The following ATP6V0D2 variants were observed in gnomAD, a reference collection of about 807,000 sequenced individuals.
ATP6V0D2 encodes the protein V-type proton ATPase subunit d 2.
A neutral mutation model predicts 40.0 loss-of-function variants in ATP6V0D2; 40 were observed. The ratio of observed to expected loss-of-function variants is 1.00; its 90% CI spans 0.78 to 1.30. The LOEUF (loss-of-function observed/expected upper bound fraction) is 1.30. Among genes scored for constraint, ATP6V0D2 ranks in the 50% most tolerant of loss-of-function variants. ATP6V0D2 has a pLI of 0.00. For synonymous variants in ATP6V0D2, 179 were observed against 156.3 expected (o/e 1.15, Z -1.08); for missense variants, 470 against 423.1 (o/e 1.11, Z -0.97).
chr8:86,119,305 T>C (rs557989331), intron 2 of ATP6V0D2, among the ~76,000 whole-genome samples: 2 of 149,794 alleles, frequency 1.3e-5, no homozygotes, highest in Non-Finnish European at 3.0e-5. Context: ...CTCGGCTTAC[T>C]GCAAGCTCCA....
At chr8:86,101,776 C>A (rs761356465) in intron 1 of ATP6V0D2, among the ~76,000 whole-genome samples, 1 of 152,100 alleles carries the variant, frequency 6.6e-6, no homozygotes, top group Non-Finnish European at 1.5e-5. Context: ...TTCCATACAG[C>A]GTCAGGGGAT....
intron 1 of ATP6V0D2, among the ~76,000 whole-genome samples, chr8:86,108,685 C>T (rs944110934): frequency 1.3e-5 from 2 of 152,100 alleles, no homozygotes; most frequent in African/African-American, 4.8e-5. Flanking sequence ...CCTCCTGCCT[C>T]GGCCTCCAGA....
Position 86,141,487 on chromosome 8 carries a change from A to C in ATP6V0D2, c.519A>C (p.Leu173=). ...AAGACTGCATGTCTGAAAATGCTCTAGATGAACTGAATATTGAATTGCTAC... is the reference window on the plus strand; with the variant it reads ...AAGACTGCATGTCTGAAAATGCTCTCGATGAACTGAATATTGAATTGCTAC... ...FFQDCMSENA[L]DELNIELLRN... The change falls in exon 4 of 8, where the codon CTA becomes CTC. Residue 173 remains leucine (L), a synonymous_variant. Transcript: ENST00000285393. The C allele has an allele frequency of 4.3e-6, 7 of 1,610,504 alleles. No individual in the cohort carries two copies. The highest frequency in any genetic ancestry group is 5.1e-6 in the Non-Finnish European group (6 of 1,177,932).
Position 86,139,538 on chromosome 8 carries a change from G to A in ATP6V0D2, c.384G>A (p.Lys128=), listed in dbSNP as rs138549500. ...AATCTGTGAAAGAAATTCTGGGGAA[G>A]TGCCACCCCTTGGGCCGTTTCACAG... ...QKKSVKEILG[K]CHPLGRFTEM... Residue 128 remains lysine (K), a synonymous_variant, in exon 3 of 8, where the codon AAG becomes AAA. Transcript: ENST00000285393. 6.8e-6 allele frequency: 11 copies of A among 1,613,758 alleles called. No homozygotes were observed. Among genetic ancestry groups the A allele is most frequent in the African/African-American group, 1.3e-5 (1 of 74,906 alleles).
chr8:86,147,631 G>T (rs1384118169), intron 5 of ATP6V0D2, among the ~76,000 whole-genome samples: 1 of 152,124 alleles, frequency 6.6e-6, no homozygotes, highest in Admixed American at 6.5e-5. Context: ...ACCCAAAAGA[G>T]CCTCTAGACT....
Position 86,128,184 on chromosome 8 carries a change from C to G in ATP6V0D2, c.303-11273C>G, listed in dbSNP as rs113276655. Reference sequence around the variant, plus strand: ...CAACATGGTGAAACCCTCATCTCTACGAAAAATACAAAAAATTAGCCGGGC... The same window carrying G: ...CAACATGGTGAAACCCTCATCTCTAGGAAAAATACAAAAAATTAGCCGGGC... On this transcript the variant is annotated intron_variant, in intron 2 of 7. Coordinates refer to ENST00000285393, the MANE Select transcript of ATP6V0D2 (RefSeq NM_152565.1). Among the ~76,000 whole-genome samples the G allele has an allele frequency of 2.0e-5, 3 of 151,966 alleles. No individual in the cohort carries two copies. The East Asian group carries it at 5.8e-4, about 29-fold the overall frequency.
chr8:86,109,819 G>A (rs1054976209), intron 1 of ATP6V0D2, among the ~76,000 whole-genome samples: 3 of 152,102 alleles, frequency 2.0e-5, no homozygotes, highest in African/African-American at 4.8e-5. Context: ...CAGCATTTAC[G>A]ATGCAAAATC....
chr8:86,120,626 T>C (rs1275917827), intron 2 of ATP6V0D2, among the ~76,000 whole-genome samples: 1 of 152,216 alleles, frequency 6.6e-6, no homozygotes, highest in Admixed American at 6.5e-5. Flanking sequence ...TCCAACACTC[T>C]TGTATTTAAG....
intron 2 of ATP6V0D2, among the ~76,000 whole-genome samples, chr8:86,126,088 C>T (rs923494909): frequency 6.7e-6 from 1 of 149,680 alleles, no homozygotes; most frequent in African/African-American, 2.4e-5. Context: ...CAGGCATGCA[C>T]CATCATGACC....
At chr8:86,138,116 T>A (rs1818922106) in intron 2 of ATP6V0D2, among the ~76,000 whole-genome samples, 1 of 152,166 alleles carries the variant, frequency 6.6e-6, no homozygotes. Flanking sequence ...GCTCCAGTGC[T>A]CGGCCCAGGC....
At chr8:86,102,990 C>A (rs567881583) in intron 1 of ATP6V0D2, among the ~76,000 whole-genome samples, 8 of 152,246 alleles carry the variant, frequency 5.3e-5, no homozygotes, top group Admixed American at 2.0e-4. Context: ...TGGAAATATT[C>A]TTCCCTCCTC....
At chr8:86,104,909 A>G (rs1055485469) in intron 1 of ATP6V0D2, among the ~76,000 whole-genome samples, 2 of 150,180 alleles carry the variant, frequency 1.3e-5, no homozygotes, top group African/African-American at 4.9e-5. Context: ...AAGATAAATG[A>G]TAAATGACAG....
intron 4 of ATP6V0D2, among the ~76,000 whole-genome samples, chr8:86,141,873 C>A (rs1210365853): frequency 1.3e-5 from 2 of 152,144 alleles, no homozygotes; most frequent in Admixed American, 6.5e-5. Context: ...ACATAGCAAA[C>A]CTTCTGCTAT....
chr8:86,098,933 G>A lies in ATP6V0D2; in HGVS notation c.-46G>A. ...GTGCAAATCTTCAGGGGCCGTCCAG[G>A]ACTACAGAGCTGTTTCACCCTACCT... On this transcript the variant is annotated 5_prime_UTR_variant, in exon 1 of 8. Coordinates refer to ENST00000285393, the MANE Select transcript of ATP6V0D2 (RefSeq NM_152565.1). 2 of 1,598,330 alleles carry A rather than the reference G, an allele frequency of 1.3e-6. No homozygotes were observed. The highest frequency in any genetic ancestry group is 1.7e-6 in the Non-Finnish European group (2 of 1,172,870).
intron 2 of ATP6V0D2, among the ~76,000 whole-genome samples, chr8:86,114,194 T>C (rs1431595472): frequency 6.6e-6 from 1 of 152,226 alleles, no homozygotes; most frequent in African/African-American, 2.4e-5. Context: ...GTAAATGTTA[T>C]GTGACATTCT....
chr8:86,135,683 A>T (rs560271923), intron 2 of ATP6V0D2, among the ~76,000 whole-genome samples: 1 of 152,324 alleles, frequency 6.6e-6, no homozygotes, highest in Non-Finnish European at 1.5e-5. Flanking sequence ...TGCTCATCAC[A>T]GTTTTAGGTG....
chr8:86,109,326 GA>G (rs754693602), intron 1 of ATP6V0D2, among the ~76,000 whole-genome samples: 45 of 152,240 alleles, frequency 3.0e-4, no homozygotes, highest in Admixed American at 1.5e-3. Flanking sequence ...AACTCATTTT[GA>G]AAAGTATAAA....
intron 4 of ATP6V0D2, 84 bp downstream of exon 4, chr8:86,141,613 A>G (rs778775011): frequency 1.1e-6 from 1 of 929,508 alleles, no homozygotes; most frequent in Non-Finnish European, 1.6e-6. Flanking sequence ...TACTTTACTC[A>G]TTAACCAACT....
chr8:86,140,680 A>G (rs779498580), intron 3 of ATP6V0D2, among the ~76,000 whole-genome samples: 2 of 152,168 alleles, frequency 1.3e-5, no homozygotes, highest in Admixed American at 6.5e-5. Context: ...ATTAAATGAA[A>G]GTATATTCAG....
Sources: gnomAD v4.1 joint callset for allele counts (sites outside exome capture counted in the v4.1 genomes callset) on GRCh38, gnomAD v4.1.1 for gene constraint, MANE v1.5 for transcripts, NCBI Gene and HGNC (gene_info 2026-07-23, HGNC 2026-07-21) for gene names.